The following FAR2 variants were observed in gnomAD, a reference collection of about 807,000 sequenced individuals.
The protein encoded by FAR2 is fatty acyl-CoA reductase 2, also known as epididymis secretory protein Li 81.
A neutral mutation model predicts 56.0 loss-of-function variants in FAR2; 19 were observed. The observed-to-expected ratio is 0.34, with a 90% CI of 0.24 to 0.50. The LOEUF (loss-of-function observed/expected upper bound fraction) is 0.50, where lower values mean the gene tolerates loss of function less well. Ranked by LOEUF, FAR2 falls within the 20% of genes least tolerant of loss-of-function variation. FAR2 has a pLI of 0.98. For synonymous variants in FAR2, 219 were observed against 218.8 expected (o/e 1.00, Z -0.01); for missense variants, 508 against 642.2 (o/e 0.79, Z 2.26).
chr12:29,274,274 C>T (rs892151233), intron 2 of FAR2, among the ~76,000 whole-genome samples: 1 of 146,878 alleles, frequency 6.8e-6, no homozygotes, highest in Non-Finnish European at 1.5e-5. Context: ...GTTCCCACCT[C>T]TGAGTGAGAA....
At chr12:29,177,234 T>A (rs546000539) in intron 1 of FAR2, among the ~76,000 whole-genome samples, 2 of 152,160 alleles carry the variant, frequency 1.3e-5, no homozygotes, top group Admixed American at 1.3e-4. Context: ...TGACCCGAAT[T>A]TCATCAGTCT....
chr12:29,235,152 G>T (rs769259780), intron 1 of FAR2, among the ~76,000 whole-genome samples: 3 of 152,058 alleles, frequency 2.0e-5, no homozygotes, highest in African/African-American at 7.2e-5. Context: ...CCCCTTGCTG[G>T]CTACATAACA....
At chr12:29,173,100 A>G (rs998022400) in intron 1 of FAR2, among the ~76,000 whole-genome samples, 6 of 152,232 alleles carry the variant, frequency 3.9e-5, no homozygotes, top group African/African-American at 9.6e-5. Context: ...AGTGAGGTCA[A>G]AGGTTTGCCC....
At chr12:29,272,052 C>T (rs892003267) in intron 2 of FAR2, among the ~76,000 whole-genome samples, 3 of 152,166 alleles carry the variant, frequency 2.0e-5, no homozygotes, top group African/African-American at 7.2e-5. Flanking sequence ...AATAAATTCC[C>T]AGATCCCTCT....
rs551494443 is a variant in FAR2, at chr12:29,186,243, G to GT, written c.-39+36837dup. Among the ~76,000 whole-genome samples the GT allele has an allele frequency of 8.3e-4, 126 of 152,264 alleles. 1 individual carries two copies. Among genetic ancestry groups the GT allele is most frequent in the African/African-American group, 2.9e-3 (119 of 41,550 alleles). On this transcript the variant is annotated intron_variant, in intron 1 of 11. Coordinates refer to ENST00000536681, the MANE Select transcript of FAR2 (RefSeq NM_001271783.2). ...TACATCTCAATTCAGACTAGCCACA[G>GT]TGCAGGTGCCCAGTAGCCACATGTG...
chr12:29,316,192 G>A (rs1417162828), intron 8 of FAR2, among the ~76,000 whole-genome samples: 1 of 151,712 alleles, frequency 6.6e-6, no homozygotes, highest in Admixed American at 6.6e-5. Flanking sequence ...GAATTCAAAT[G>A]AATATCTTTT....
At chr12:29,313,325 T>C (rs1232946037) in intron 8 of FAR2, among the ~76,000 whole-genome samples, 1 of 152,212 alleles carries the variant, frequency 6.6e-6, no homozygotes, top group Non-Finnish European at 1.5e-5. Flanking sequence ...ACATATGTTT[T>C]AATAAATGCC....
intron 2 of FAR2, among the ~76,000 whole-genome samples, chr12:29,279,042 C>A (rs1948745612): frequency 6.6e-6 from 1 of 152,024 alleles, no homozygotes; most frequent in African/African-American, 2.4e-5. Context: ...TTAACAAAAC[C>A]CATAGAGGGA....
chr12:29,174,273 C>A (rs962744197), intron 1 of FAR2, among the ~76,000 whole-genome samples: 2 of 152,100 alleles, frequency 1.3e-5, no homozygotes, highest in Admixed American at 6.5e-5. Context: ...GCCCCTCCCC[C>A]ACCACGATGG....
intron 1 of FAR2, among the ~76,000 whole-genome samples, chr12:29,268,331 C>T (rs1409778927): frequency 1.6e-4 from 25 of 152,200 alleles, no homozygotes; most frequent in Non-Finnish European, 2.9e-5. Context: ...TTCCCCACAC[C>T]TCCAGCACTG....
chr12:29,256,656 C>T (rs771311962), intron 1 of FAR2, among the ~76,000 whole-genome samples: 9 of 152,184 alleles, frequency 5.9e-5, no homozygotes, highest in East Asian at 3.9e-4. Flanking sequence ...GAGGCGCGGG[C>T]GGGAACAGAG....
intron 1 of FAR2, among the ~76,000 whole-genome samples, chr12:29,232,138 C>G (rs553615955): frequency 6.6e-6 from 1 of 152,162 alleles, no homozygotes. Flanking sequence ...CAAGACTGAA[C>G]TATTTGGTAG....
At chr12:29,204,906 C>T (rs11050124) in intron 1 of FAR2, among the ~76,000 whole-genome samples, 72,878 of 152,010 alleles carry the variant, frequency 0.48, 18,645 homozygotes, top group Admixed American at 0.61. Flanking sequence ...CCCATGATCC[C>T]ATCACCTCCC....
chr12:29,330,936 G>A (rs1299248982), intron 10 of FAR2, among the ~76,000 whole-genome samples: 3 of 152,064 alleles, frequency 2.0e-5, no homozygotes, highest in Non-Finnish European at 4.4e-5. Context: ...AAATTGTTGT[G>A]TAACAAAAAA....
chr12:29,153,910 G>A (rs908269830), intron 1 of FAR2, among the ~76,000 whole-genome samples: 5 of 152,138 alleles, frequency 3.3e-5, no homozygotes, highest in East Asian at 1.9e-4. Flanking sequence ...TAGAGATGCC[G>A]TAAGAAGAAC....
At chr12:29,196,360 G>T (rs1591843908) in intron 1 of FAR2, among the ~76,000 whole-genome samples, 1 of 151,970 alleles carries the variant, frequency 6.6e-6, no homozygotes, top group East Asian at 1.9e-4. Flanking sequence ...GTTATTTTTT[G>T]ACTTTTTAAA....
intron 2 of FAR2, chr12:29,277,586 G>A (rs1479857832): frequency 9.2e-5 from 14 of 152,204 alleles, no homozygotes; most frequent in African/African-American, 2.7e-4. Flanking sequence ...AAAGTACTGT[G>A]AAGACAAAGA....
At chr12:29,211,137 T>A (rs1342311498) in intron 1 of FAR2, among the ~76,000 whole-genome samples, 1 of 151,870 alleles carries the variant, frequency 6.6e-6, no homozygotes, top group African/African-American at 2.4e-5. Flanking sequence ...CTTAAGAATA[T>A]CTTGTGGACC....
At chr12:29,325,846 G>A (rs1329794024) in intron 10 of FAR2, among the ~76,000 whole-genome samples, 2 of 152,040 alleles carry the variant, frequency 1.3e-5, no homozygotes, top group Non-Finnish European at 2.9e-5. Flanking sequence ...AAGAACTAGA[G>A]AAGCAAGAGC....
Sources: gnomAD v4.1 joint callset for allele counts (sites outside exome capture counted in the v4.1 genomes callset) on GRCh38, gnomAD v4.1.1 for gene constraint, MANE v1.5 for transcripts, NCBI Gene and HGNC (gene_info 2026-07-23, HGNC 2026-07-21) for gene names.